Variants in ZNF333 observed in about 807,000 individuals in gnomAD.
ZNF333 encodes the protein zinc finger protein 333.
In ZNF333, 61 loss-of-function variants were observed where a neutral mutation model predicts 76.1. That is an observed-to-expected ratio of 0.80 (90% CI 0.65 to 0.99). The LOEUF (loss-of-function observed/expected upper bound fraction) is 0.99, where lower values mean the gene tolerates loss of function less well. Among genes scored for constraint, ZNF333 ranks in the 50% least tolerant of loss-of-function variants. ZNF333 has a pLI of 0.00. For missense variants in ZNF333, 717 were observed against 822.4 expected (o/e 0.87, Z 1.57); for synonymous variants, 284 against 305.0 (o/e 0.93, Z 0.72).
downstream of ZNF333, among the ~76,000 whole-genome samples, chr19:14,725,405 T>C (rs985664924): frequency 1.3e-5 from 2 of 152,152 alleles, no homozygotes; most frequent in Non-Finnish European, 2.9e-5. Flanking sequence ...CCTTCTCAAA[T>C]TGCAAAATAC....
At chr19:14,727,859 G>GTAC (rs1374037968) in intron 11 of ZNF333, among the ~76,000 whole-genome samples, 2 of 152,116 alleles carry the variant, frequency 1.3e-5, no homozygotes, top group Non-Finnish European at 1.5e-5. Context: ...ATGCATGCAG[G>GTAC]TACACCTTTA....
At chr19:14,698,569 G>A (rs1403233009) in intron 4 of ZNF333, among the ~76,000 whole-genome samples, 8 of 150,684 alleles carry the variant, frequency 5.3e-5, no homozygotes, top group Admixed American at 1.3e-4. Flanking sequence ...AAGAAAACAT[G>A]TGGCTCATGC....
chr19:14,717,747 G>A lies in ZNF333; in HGVS notation c.900+14G>A. 6.2e-7 allele frequency: 1 copy of A among 1,610,188 alleles called. No homozygotes were observed. Among genetic ancestry groups the A allele is most frequent in the South Asian group, 1.1e-5 (1 of 90,994 alleles). On this transcript the variant is annotated intron_variant, in intron 11 of 11. Transcript: ENST00000292530. ...GATGTGAAAGGGGTAAGGCTCACCA[G>A]GGATTATTCATGGTTCTCTATAGTA...
chr19:14,708,477 C>G (rs2042182154), intron 7 of ZNF333: 1 of 375,988 alleles, frequency 2.7e-6, no homozygotes. Flanking sequence ...GTGTGTTATA[C>G]AAGGACTTCA....
chr19:14,729,039 G>T (rs1285832682), intron 11 of ZNF333, among the ~76,000 whole-genome samples: 1 of 152,204 alleles, frequency 6.6e-6, no homozygotes, highest in African/African-American at 2.4e-5. Flanking sequence ...TATGTGTGTG[G>T]TTTTGAGGGG....
chr19:14,706,434 A>G, intron 6 of ZNF333: 1 of 498,260 alleles, frequency 2.0e-6, no homozygotes, highest in Non-Finnish European at 3.6e-6. Context: ...TGACTTCTGG[A>G]GCCTCCTTGG....
chr19:14,691,363 C>T (rs182271889), intron 1 of ZNF333, among the ~76,000 whole-genome samples: 86 of 152,204 alleles, frequency 5.7e-4, no homozygotes, highest in Middle Eastern at 3.4e-3. Context: ...AGGGAAAAGA[C>T]GATATAAACT....
rs2042519218 is a variant in ZNF333 at position 14,718,890 on chromosome 19, G to A, written c.1563G>A (p.Leu521=). 3 of 1,614,218 alleles carry A rather than the reference G, an allele frequency of 1.9e-6. No homozygotes were observed. The highest frequency in any genetic ancestry group is 2.5e-6 in the Non-Finnish European group (3 of 1,180,032). ...AGCCCTTCCGGACGAGCACTCATCT[G>A]AACGTGCACAAGAGGATACACACAG... ...CGKPFRTSTH[L]NVHKRIHTGE... is the part of the protein sequence containing the mutation. The change falls in exon 12 of 12, where the codon CTG becomes CTA. Residue 521 remains leucine, a synonymous_variant. Coordinates refer to ENST00000292530, the MANE Select transcript of ZNF333 (RefSeq NM_032433.4).
intron 4 of ZNF333, among the ~76,000 whole-genome samples, chr19:14,696,335 G>A (rs1166751626): frequency 6.6e-6 from 1 of 152,074 alleles, no homozygotes; most frequent in East Asian, 1.9e-4. Context: ...CCCATGGGCA[G>A]TTACTCCCCA....
chr19:14,705,977 C>T, intron 6 of ZNF333: 1 of 401,118 alleles, frequency 2.5e-6, no homozygotes, highest in Non-Finnish European at 5.1e-6. Flanking sequence ...AGGCCTCTTC[C>T]CACTCGTCCC....
In ZNF333 at chr19:14,717,683, A is replaced by G. The variant is rs1333162109; in HGVS notation, c.850A>G (p.Ile284Val). ...ACCTCAGTGTCAACCCCAAGAGGCA[A>G]TTCCTAGCCAAGATACTTTTACAGA... ...AEPQCQPQEA[I>V]PSQDTFTEIL... The change falls in exon 11 of 12, where the codon ATT (isoleucine) becomes GTT (valine). Residue 284 changes from isoleucine (I) to valine (V), a missense_variant. Physicochemically the swap from Ile to Val is conservative, Grantham distance 29. Coordinates refer to ENST00000292530, the MANE Select transcript of ZNF333 (RefSeq NM_032433.4). 13 of 1,613,990 alleles carry G rather than the reference A, an allele frequency of 8.1e-6. No individual in the cohort carries two copies. In the East Asian group the frequency reaches 8.9e-5, roughly 11 times the overall value.
Position 14,719,722 on chromosome 19 carries a change from T to A in ZNF333, c.*397T>A. ...GTTGTTGGTTTCTAATTTAATTACA[T>A]GGTGAGAAGAGTATGTGGCCTCTTT... On this transcript the variant is annotated 3_prime_UTR_variant, in exon 12 of 12. Transcript: ENST00000292530. 1 of 1,004,616 alleles carries A rather than the reference T, an allele frequency of 1.0e-6. No homozygotes were observed. Among genetic ancestry groups the A allele is most frequent in the Non-Finnish European group, 1.2e-6 (1 of 842,242 alleles). 62.2% of individuals were successfully genotyped at this position (1,004,616 alleles called of 1,614,324 possible).
chr19:14,709,540 C>T (rs1055613537), intron 7 of ZNF333, among the ~76,000 whole-genome samples: 1 of 152,214 alleles, frequency 6.6e-6, no homozygotes, highest in Non-Finnish European at 1.5e-5. Context: ...TTGTGCTCCC[C>T]TTCTCCAAGT....
Position 14,704,692 on chromosome 19 carries a change from C to T in ZNF333, c.307-362C>T, listed in dbSNP as rs145734389. ...TCCCCTTATAATAACCATCAGATCT[C>T]GTGAGACTTACTCATTATCACGAGA... On this transcript the variant is annotated intron_variant, in intron 5 of 11. Transcript: ENST00000292530. Among the ~76,000 whole-genome samples the T allele has an allele frequency of 2.6e-3, 389 of 152,242 alleles. 2 individuals are homozygous for T. Among genetic ancestry groups the T allele is most frequent in the African/African-American group, 9.0e-3 (372 of 41,542 alleles).
chr19:14,732,695 A>G (rs542756189), exon 12 of ZNF333: 14 of 152,374 alleles, frequency 9.2e-5, no homozygotes, highest in Admixed American at 2.6e-4. Flanking sequence ...TGATATATGA[A>G]GTTCAAGCTC....
At position 14,720,391 on chromosome 19, in the gene ZNF333, A is replaced by G. The variant is rs938358899; in HGVS notation, c.*1066A>G. Reference sequence around the variant, plus strand: ...ACAAGTAGACATGATTTCTAGACCTAGAGGAGCCCTCCTGTGACCATAAGG... The same window carrying G: ...ACAAGTAGACATGATTTCTAGACCTGGAGGAGCCCTCCTGTGACCATAAGG... On this transcript the variant is annotated 3_prime_UTR_variant, in exon 12 of 12. Coordinates refer to ENST00000292530, the MANE Select transcript of ZNF333 (RefSeq NM_032433.4). 1 of 985,334 alleles carries G rather than the reference A, an allele frequency of 1.0e-6. No individual in the cohort carries two copies. The highest frequency in any genetic ancestry group is 1.7e-5 in the African/African-American group (1 of 57,242). The allele number at this position is 985,334 out of a possible 1,614,324, so 61.0% of individuals were successfully genotyped here. A position where few individuals can be genotyped will look rare whatever the true frequency, so the allele number is the denominator to read the frequency against.
intron 1 of ZNF333, among the ~76,000 whole-genome samples, chr19:14,691,051 C>G (rs545794465): frequency 1.3e-5 from 2 of 152,218 alleles, no homozygotes; most frequent in African/African-American, 4.8e-5. Context: ...TGAGATTGTG[C>G]CACTGCACTC....
chr19:14,717,563 A>G lies in ZNF333; in HGVS notation c.824-94A>G, dbSNP rs1175227436. The G allele has an allele frequency of 1.1e-5, 12 of 1,078,944 alleles. No individual in the cohort carries two copies. In the African/African-American group the frequency reaches 1.9e-4, roughly 17 times the overall value. The allele number at this position is 1,078,944 out of a possible 1,614,324, so 66.8% of individuals were successfully genotyped here. On this transcript the variant is annotated intron_variant, in intron 10 of 11. Coordinates refer to ENST00000292530, the MANE Select transcript of ZNF333 (RefSeq NM_032433.4). ...ACATAGGACCAGTATTTGGGAAAAA[A>G]AGTCCACATGTGCCTTGCCTACTTT...
chr19:14,715,104 TTATA>T (rs1363199471), intron 7 of ZNF333: 10 of 370,724 alleles, frequency 2.7e-5, no homozygotes, highest in African/African-American at 6.3e-5. Flanking sequence ...TGTGTATATG[TTATA>T]TATATGAACA....
Sources: gnomAD v4.1 joint callset for allele counts (sites outside exome capture counted in the v4.1 genomes callset) on GRCh38, gnomAD v4.1.1 for gene constraint, MANE v1.5 for transcripts, NCBI Gene and HGNC (gene_info 2026-07-23, HGNC 2026-07-21) for gene names.